Variants in CHM observed in about 807,000 individuals in gnomAD.
CHM encodes the protein CHM Rab escort protein.
In CHM, 10 loss-of-function variants were observed where a neutral mutation model predicts 49.0. The observed-to-expected ratio is 0.20, with a 90% CI of 0.13 to 0.35. The LOEUF is 0.35. Ranked by LOEUF, CHM falls within the 10% of genes least tolerant of loss-of-function variation. CHM has a pLI of 1.00. For synonymous variants in CHM, 184 were observed against 167.5 expected, an observed-to-expected ratio of 1.10 and a Z score of -0.76; for missense variants, 455 against 478.4, an observed-to-expected ratio of 0.95 and a Z score of 0.46.
At chrX:85,956,527 A>C (rs778527835) in intron 7 of CHM, 149 bp from the exon 8 acceptor site, 115 of 772,543 alleles carry the variant, frequency 1.5e-4, no homozygotes, top group Non-Finnish European at 1.9e-4. Flanking sequence ...GATCTTAGGA[A>C]AAAATGGAAA....
intron 3 of CHM, among the ~76,000 whole-genome samples, chrX:85,980,336 T>C (rs1428005447): frequency 8.9e-6 from 1 of 112,153 alleles, no homozygotes; most frequent in African/African-American, 3.2e-5. Flanking sequence ...ATCTACTTAT[T>C]TACTCTCTTG....
chrX:85,894,335 T>G (rs778205487), intron 11 of CHM, 51 bp from the exon 12 acceptor site: 19 of 909,290 alleles, frequency 2.1e-5, no homozygotes, highest in Non-Finnish European at 3.0e-5. Flanking sequence ...CTCATTTTCA[T>G]TCTTCTAACA....
intron 8 of CHM, among the ~76,000 whole-genome samples, chrX:85,922,243 C>T (rs1422486264): frequency 8.9e-6 from 1 of 111,984 alleles, no homozygotes; most frequent in Non-Finnish European, 1.9e-5. Flanking sequence ...ATATGTAACC[C>T]ACAAACATGT....
intron 12 of CHM, among the ~76,000 whole-genome samples, chrX:85,885,691 A>G (rs747490670): frequency 2.3e-4 from 26 of 111,192 alleles, no homozygotes; most frequent in Non-Finnish European, 4.7e-4. Flanking sequence ...GTACTTGCCA[A>G]TATTTGTCAA....
intron 1 of CHM, among the ~76,000 whole-genome samples, chrX:86,035,594 C>A (rs1191748103): frequency 2.7e-5 from 3 of 110,103 alleles, no homozygotes; most frequent in Non-Finnish European, 5.7e-5. Context: ...CAAAGGAGGG[C>A]ACGTGATGTA....
chrX:86,039,433 T>A (rs1934370043), intron 1 of CHM, among the ~76,000 whole-genome samples: 1 of 107,717 alleles, frequency 9.3e-6, no homozygotes, highest in Admixed American at 1.0e-4. Context: ...ATTCAAAACA[T>A]TTCAAAGCAA....
At chrX:85,953,439 G>C (rs976639228) in intron 8 of CHM, among the ~76,000 whole-genome samples, 5 of 111,539 alleles carry the variant, frequency 4.5e-5, no homozygotes, top group African/African-American at 1.6e-4. Flanking sequence ...TGTATATAGA[G>C]ACACAAAAGA....
At chrX:86,014,164 G>C (rs1001853059) in intron 2 of CHM, among the ~76,000 whole-genome samples, 2 of 111,925 alleles carry the variant, frequency 1.8e-5, no homozygotes, top group African/African-American at 6.5e-5. Context: ...ATGGGAAAGA[G>C]ATGTTATGAG....
At chrX:85,888,935 C>T (rs1281272862) in intron 12 of CHM, among the ~76,000 whole-genome samples, 1 of 111,505 alleles carries the variant, frequency 9.0e-6, no homozygotes, top group African/African-American at 3.3e-5. Flanking sequence ...GTATATAAAA[C>T]AATATTGCAT....
At position 85,911,297 on chromosome X, in the gene CHM, G is replaced by A. The variant is rs1189613853; in HGVS notation, c.1208C>T (p.Ser403Leu). The change falls in exon 9 of 15, where the codon TCA becomes TTA. Residue 403 changes from serine (S) to leucine (L), a missense_variant. By Grantham distance (145) the Ser-to-Leu change is moderately radical (BLOSUM62 -2). Transcript: ENST00000357749. ...VFGGIYCLRH[S>L]VQCLVVDKES... is the part of the protein sequence containing the mutation. Reference sequence around the variant, plus strand: ...TTTGTCCACTACAAGGCACTGTACTGAATGGCGAAGACAATAAATTCCACC... The same window carrying A: ...TTTGTCCACTACAAGGCACTGTACTAAATGGCGAAGACAATAAATTCCACC... 11 of 1,046,706 alleles carry A rather than the reference G, an allele frequency of 1.1e-5. No individual in the cohort carries two copies. Among genetic ancestry groups the A allele is most frequent in the Non-Finnish European group, 1.4e-5 (11 of 796,101 alleles). The allele number at this position is 1,046,706 out of a possible 1,213,427, so 86.3% of individuals were successfully genotyped here. A position where few individuals can be genotyped will look rare whatever the true frequency, so the allele number is the denominator to read the frequency against.
intron 2 of CHM, among the ~76,000 whole-genome samples, chrX:86,023,539 T>C (rs761794886): frequency 8.9e-4 from 99 of 111,466 alleles, no homozygotes; most frequent in African/African-American, 3.1e-3. Flanking sequence ...CTCCATCAAA[T>C]AGCATAGCAT....
chrX:86,027,625 A>G lies in CHM; in HGVS notation c.50-68T>C, dbSNP rs754810403. 9.1e-4 allele frequency: 827 copies of G among 910,332 alleles called. 1 individual carries two copies. In the Middle Eastern group the frequency reaches 0.013, roughly 14 times the overall value. 75.0% of individuals were successfully genotyped at this position (910,332 alleles called of 1,213,427 possible). On this transcript the variant is annotated intron_variant, in intron 1 of 14. Coordinates refer to ENST00000357749, the MANE Select transcript of CHM (RefSeq NM_000390.4). The stretch of plus-strand genomic sequence containing the variant: ...ATATATTTTACATAAAATGTTCAAT[A>G]CATGCCATTGCTGTATAGAACAGTT...
chrX:85,980,646 G>A (rs1219002851), intron 3 of CHM, among the ~76,000 whole-genome samples: 1 of 111,708 alleles, frequency 9.0e-6, no homozygotes, highest in Non-Finnish European at 1.9e-5. Flanking sequence ...AAATTCTTTT[G>A]CGATACAGCA....
chrX:86,005,527 T>A (rs1932834224), intron 2 of CHM, among the ~76,000 whole-genome samples: 1 of 111,138 alleles, frequency 9.0e-6, no homozygotes, highest in South Asian at 3.8e-4. Context: ...GAAAGACTAA[T>A]AAAGAAGAAG....
intron 9 of CHM, among the ~76,000 whole-genome samples, chrX:85,902,530 A>T (rs1926347409): frequency 9.0e-6 from 1 of 111,525 alleles, no homozygotes; most frequent in Non-Finnish European, 1.9e-5. Context: ...GTTAATATTT[A>T]CATGATTTTT....
intron 2 of CHM, among the ~76,000 whole-genome samples, chrX:85,982,553 T>C (rs1931687667): frequency 8.9e-6 from 1 of 111,745 alleles, no homozygotes; most frequent in Non-Finnish European, 1.9e-5. Context: ...GTAAACCTTG[T>C]AGACATTAGA....
Position 85,861,752 on chromosome X carries a change from T to C in CHM, c.*2878A>G, listed in dbSNP as rs1923363033. ...AGGTATTGCTTCTCATACTGATCAC[T>C]AAACTAAATGGTATTATCATTTTCG... On this transcript the variant is annotated 3_prime_UTR_variant, in exon 15 of 15. Coordinates refer to ENST00000357749, the MANE Select transcript of CHM (RefSeq NM_000390.4). The C allele has an allele frequency of 8.9e-6, 1 of 111,886 alleles. No homozygotes were observed. The highest frequency in any genetic ancestry group is 1.9e-5 in the Non-Finnish European group (1 of 53,141). 9.2% of individuals were successfully genotyped at this position (111,886 alleles called of 1,213,427 possible). A position where few individuals can be genotyped will look rare whatever the true frequency, so the allele number is the denominator to read the frequency against.
At chrX:85,968,166 G>A (rs1160159838) in intron 4 of CHM, among the ~76,000 whole-genome samples, 2 of 111,601 alleles carry the variant, frequency 1.8e-5, no homozygotes, top group East Asian at 5.6e-4. Context: ...ATGTTTAATG[G>A]CTATTCATAA....
At chrX:85,892,492 C>T (rs191115319) in intron 12 of CHM, among the ~76,000 whole-genome samples, 202 of 110,845 alleles carry the variant, frequency 1.8e-3, no homozygotes, top group Middle Eastern at 4.7e-3. Context: ...TTTGCTTCTT[C>T]CTCATTTTTT....
Sources: allele counts gnomAD v4.1 joint callset (sites outside exome capture counted in the v4.1 genomes callset), GRCh38; gene constraint gnomAD v4.1.1; transcripts MANE v1.5; gene names NCBI Gene and HGNC (gene_info 2026-07-23, HGNC 2026-07-21).